RYR2: variants seen among roughly 807,000 people sequenced by gnomAD.
RYR2 encodes the protein cardiac muscle ryanodine receptor-calcium release channel.
Under a neutral mutation model 601.1 loss-of-function variants are expected in RYR2, and 227 were observed. That is an observed-to-expected ratio of 0.38 (90% confidence interval 0.34 to 0.42). RYR2 has a LOEUF of 0.42. RYR2 is among the 10% of genes least tolerant of loss of function. The probability of loss-of-function intolerance (pLI) is 1.00; values close to 1 mark genes in which losing one functional copy is unlikely to be tolerated. For synonymous variants in RYR2, 2,223 were observed against 2,175.1 expected, an observed-to-expected ratio of 1.02 and a Z score of -0.61; for missense variants, 4,646 against 6,156.5, an observed-to-expected ratio of 0.75 and a Z score of 8.21.
Position 237,667,880 on chromosome 1 carries a change from A to G in RYR2, c.8515-3A>G. 6.4e-7 allele frequency: 1 copy of G among 1,570,778 alleles called. No homozygotes were observed. Among genetic ancestry groups the G allele is most frequent in the South Asian group, 1.2e-5 (1 of 83,476 alleles). On this transcript the variant is annotated splice_region_variant and splice_polypyrimidine_tract_variant and intron_variant, in intron 57 of 104. Transcript: ENST00000366574. ...AAACGATAAATATTTTTGTTCATTT[A>G]AGGCTATGGCAGAAATGATGGCTGA...
At chr1:237,796,288 T>C (rs1195218043) in intron 96 of RYR2, among the ~76,000 whole-genome samples, 2 of 152,126 alleles carry the variant, frequency 1.3e-5, no homozygotes, top group Non-Finnish European at 2.9e-5. Flanking sequence ...TTTCTTGCTT[T>C]AATGAAGAAA....
At chr1:237,780,875 A>G (rs916991959) in intron 88 of RYR2, among the ~76,000 whole-genome samples, 2 of 152,326 alleles carry the variant, frequency 1.3e-5, no homozygotes, top group Middle Eastern at 3.4e-3. Context: ...TGATTTTTAC[A>G]TAATAGCACC....
intron 101 of RYR2, among the ~76,000 whole-genome samples, chr1:237,827,627 CAAAA>C (rs55896893): frequency 0.053 from 4,199 of 79,304 alleles, 68 homozygotes; most frequent in South Asian, 0.082. Flanking sequence ...AAGACTGTCT[CAAAA>C]AAAAAAAAAA....
chr1:237,084,913 G>A (rs1431750373), intron 1 of RYR2, among the ~76,000 whole-genome samples: 1 of 152,242 alleles, frequency 6.6e-6, no homozygotes, highest in Non-Finnish European at 1.5e-5. Context: ...TGGTCTCAGA[G>A]AGCCTGGAAT....
chr1:237,258,389 A>T (rs1411311589), intron 1 of RYR2, among the ~76,000 whole-genome samples: 1 of 151,984 alleles, frequency 6.6e-6, no homozygotes, highest in Admixed American at 6.6e-5. Context: ...AGGTAACAGG[A>T]CTACAGGCAG....
At chr1:237,372,276 C>T (rs955182417) in intron 6 of RYR2, among the ~76,000 whole-genome samples, 1 of 152,098 alleles carries the variant, frequency 6.6e-6, no homozygotes, top group African/African-American at 2.4e-5. Context: ...GATAAGAAAA[C>T]TTGTGATCAT....
intron 1 of RYR2, among the ~76,000 whole-genome samples, chr1:237,127,101 G>A (rs745534557): frequency 2.6e-5 from 4 of 151,176 alleles, no homozygotes; most frequent in Non-Finnish European, 4.4e-5. Context: ...AGGGTTGGGG[G>A]TAAGGTCACA....
intron 2 of RYR2, among the ~76,000 whole-genome samples, chr1:237,326,620 A>G (rs1340788087): frequency 6.6e-6 from 1 of 152,200 alleles, no homozygotes; most frequent in African/African-American, 2.4e-5. Flanking sequence ...GTACTATATG[A>G]AAGTTCTCAT....
At chr1:237,565,204 TTTC>T (rs1671920989) in intron 27 of RYR2, among the ~76,000 whole-genome samples, 1 of 136,906 alleles carries the variant, frequency 7.3e-6, no homozygotes, top group South Asian at 2.4e-4. Flanking sequence ...TCTTTCTTTC[TTTC>T]TTTCTTTCTT....
intron 101 of RYR2, among the ~76,000 whole-genome samples, chr1:237,824,674 G>A (rs1662895251): frequency 6.6e-6 from 1 of 152,106 alleles, no homozygotes; most frequent in South Asian, 2.1e-4. Flanking sequence ...GGAAGTCCTG[G>A]CCAGGGCAAT....
chr1:237,611,120 C>T, intron 36 of RYR2, 132 bp downstream of exon 36: 5 of 701,682 alleles, frequency 7.1e-6, no homozygotes, highest in Non-Finnish European at 1.2e-5. Flanking sequence ...GATCTAAATT[C>T]TTTAGGCAAT....
chr1:237,455,852 C>G lies in RYR2; in HGVS notation c.1477-748C>G, dbSNP rs191064589. Among the ~76,000 whole-genome samples, 20 of 152,252 alleles carry G rather than the reference C, an allele frequency of 1.3e-4. No individual in the cohort carries two copies. The East Asian group carries it at 1.5e-3, about 12-fold the overall frequency. ...TTCACATATGCCAAATTGTTAGGCTCTTTTACAATGCTGCATTTATTTAAT... is the reference window on the plus strand; with the variant it reads ...TTCACATATGCCAAATTGTTAGGCTGTTTTACAATGCTGCATTTATTTAAT... On this transcript the variant is annotated intron_variant, in intron 15 of 104. Coordinates refer to ENST00000366574, the MANE Select transcript of RYR2 (RefSeq NM_001035.3).
chr1:237,378,330 T>C (rs1461701081), intron 8 of RYR2, among the ~76,000 whole-genome samples: 1 of 152,222 alleles, frequency 6.6e-6, no homozygotes, highest in African/African-American at 2.4e-5. Context: ...GTAAGGTCAA[T>C]ATGTATTTAA....
intron 1 of RYR2, among the ~76,000 whole-genome samples, chr1:237,256,261 G>T (rs148917227): frequency 1.4e-3 from 206 of 152,124 alleles, no homozygotes; most frequent in African/African-American, 3.6e-3. Context: ...GCCATGATTG[G>T]GAGGCCTCCC....
chr1:237,491,281 A>G (rs1663308437), intron 17 of RYR2, among the ~76,000 whole-genome samples: 1 of 152,166 alleles, frequency 6.6e-6, no homozygotes, highest in South Asian at 2.1e-4. Context: ...TATAAACCTC[A>G]AGGAGAATGT....
intron 4 of RYR2, among the ~76,000 whole-genome samples, chr1:237,362,341 C>G (rs1699846762): frequency 6.6e-6 from 1 of 152,124 alleles, no homozygotes; most frequent in African/African-American, 2.4e-5. Flanking sequence ...GAAATTTTAG[C>G]TCTTGTCTAT....
At chr1:237,795,450 A>AC (rs1658986467) in intron 96 of RYR2, 119 bp downstream of exon 96, 1 of 414,984 alleles carries the variant, frequency 2.4e-6, no homozygotes, top group Non-Finnish European at 4.3e-6. Context: ...TAATGTCTCC[A>AC]TTTTTTTTTT....
At chr1:237,517,141 C>G (rs1666626565) in intron 24 of RYR2, among the ~76,000 whole-genome samples, 1 of 152,138 alleles carries the variant, frequency 6.6e-6, no homozygotes, top group Admixed American at 6.5e-5. Flanking sequence ...CCCTCATGGT[C>G]TCTTCCTGAT....
At chr1:237,213,909 C>CT (rs1682868487) in intron 1 of RYR2, among the ~76,000 whole-genome samples, 9 of 107,314 alleles carry the variant, frequency 8.4e-5, no homozygotes, top group South Asian at 6.2e-4. Context: ...CTTTTTTTTT[C>CT]TTTTTCTTTT....
Sources: gnomAD v4.1 joint callset for allele counts (sites outside exome capture counted in the v4.1 genomes callset) on GRCh38, gnomAD v4.1.1 for gene constraint, MANE v1.5 for transcripts, NCBI Gene and HGNC (gene_info 2026-07-23, HGNC 2026-07-21) for gene names.